LIPI: variants seen among roughly 807,000 people sequenced by gnomAD.
LIPI encodes the protein lipase I, also known as lipase member I.
Under a neutral mutation model 50.6 loss-of-function variants are expected in LIPI, and 59 were observed. That is an observed-to-expected ratio of 1.16 (90% CI 0.94 to 1.45). The LOEUF (loss-of-function observed/expected upper bound fraction) is 1.45, where lower values mean the gene tolerates loss of function less well. LIPI is among the 40% of genes most tolerant of loss of function. The pLI, the probability that LIPI is intolerant of heterozygous loss-of-function variation, is 0.00. For missense variants in LIPI, 586 were observed against 536.3 expected, an observed-to-expected ratio of 1.09 and a Z score of -0.92; for synonymous variants, 203 against 178.2, an observed-to-expected ratio of 1.14 and a Z score of -1.11.
chr21:14,155,495 T>C (rs9976011), intron 7 of LIPI, among the ~76,000 whole-genome samples: 129,309 of 151,872 alleles, frequency 0.85, 55,568 homozygotes, highest in East Asian at 0.98. Flanking sequence ...TATAATAAAC[T>C]TCATGAAATT....
chr21:14,118,449 C>T (rs932328502), intron 9 of LIPI, among the ~76,000 whole-genome samples: 10 of 152,138 alleles, frequency 6.6e-5, no homozygotes, highest in South Asian at 2.1e-4. Flanking sequence ...AAAAGTCCAA[C>T]GTAAGTTCTT....
At chr21:14,109,390 C>T (rs922266919) in intron 9 of LIPI, among the ~76,000 whole-genome samples, 1 of 152,090 alleles carries the variant, frequency 6.6e-6, no homozygotes, top group Non-Finnish European at 1.5e-5. Flanking sequence ...TTGAACTCAA[C>T]TCAGTATCCA....
intron 4 of LIPI, among the ~76,000 whole-genome samples, chr21:14,172,410 T>C (rs1009292754): frequency 6.6e-6 from 1 of 152,184 alleles, no homozygotes; most frequent in Non-Finnish European, 1.5e-5. Flanking sequence ...TAAAGACACA[T>C]GCACACGTAT....
intron 9 of LIPI, among the ~76,000 whole-genome samples, chr21:14,124,292 G>T (rs1360715554): frequency 3.3e-5 from 5 of 152,160 alleles, no homozygotes; most frequent in Admixed American, 1.3e-4. Context: ...TACATTTATA[G>T]CGAGCACCAA....
chr21:14,188,275 A>G (rs1293654255), intron 2 of LIPI, among the ~76,000 whole-genome samples: 1 of 152,216 alleles, frequency 6.6e-6, no homozygotes, highest in East Asian at 1.9e-4. Flanking sequence ...CAAAGCTGAC[A>G]GAAGTATGCT....
intron 1 of LIPI, among the ~76,000 whole-genome samples, chr21:14,199,486 AG>A (rs2019976733): frequency 6.6e-6 from 1 of 152,046 alleles, no homozygotes; most frequent in African/African-American, 2.4e-5. Context: ...CAGAAAATCT[AG>A]AAGAAATTGA....
At chr21:14,205,452 T>C (rs2020198280) in intron 1 of LIPI, among the ~76,000 whole-genome samples, 1 of 151,968 alleles carries the variant, frequency 6.6e-6, no homozygotes, top group African/African-American at 2.4e-5. Flanking sequence ...TATATATTTC[T>C]GCATATATAG....
chr21:14,147,391 C>A (rs1223819326), intron 8 of LIPI, among the ~76,000 whole-genome samples: 1 of 152,092 alleles, frequency 6.6e-6, no homozygotes, highest in Non-Finnish European at 1.5e-5. Context: ...ATGCTACAAG[C>A]TTAATGAAGG....
chr21:14,126,774 C>T (rs1241619862), intron 9 of LIPI, among the ~76,000 whole-genome samples: 1 of 152,090 alleles, frequency 6.6e-6, no homozygotes, highest in Non-Finnish European at 1.5e-5. Context: ...ACCAATCTGC[C>T]ACAGATACTG....
intron 1 of LIPI, among the ~76,000 whole-genome samples, chr21:14,208,601 T>C (rs1447009400): frequency 4.1e-5 from 6 of 148,000 alleles, no homozygotes; most frequent in Non-Finnish European, 5.9e-5. Context: ...AATGTGAGTG[T>C]CCATAAATAA....
In LIPI at chr21:14,189,138, C is replaced by T. The variant is rs1340504804; in HGVS notation, c.328G>A (p.Val110Ile). ...LLNEEDMNVIVVDWSRGATTF... is the reference protein window; with the variant it reads ...LLNEEDMNVIIVDWSRGATTF... Reference sequence around the variant, plus strand: ...GTAGCACCCCGGCTCCAGTCTACTACAATTACATTCATATCTTCTTCATTC... The same window carrying T: ...GTAGCACCCCGGCTCCAGTCTACTATAATTACATTCATATCTTCTTCATTC... Residue 110 changes from valine (V) to isoleucine (I), a missense_variant, in exon 2 of 10, where the codon GTA becomes ATA. Physicochemically the swap from Val to Ile is conservative, Grantham distance 29. Transcript: ENST00000681601. 5 of 1,614,030 alleles carry T rather than the reference C, an allele frequency of 3.1e-6. No individual in the cohort carries two copies. The highest frequency in any genetic ancestry group is 4.2e-6 in the Non-Finnish European group (5 of 1,180,002).
chr21:14,158,608 T>A (rs928072025), intron 7 of LIPI, among the ~76,000 whole-genome samples: 2 of 148,270 alleles, frequency 1.3e-5, no homozygotes, highest in Non-Finnish European at 1.5e-5. Context: ...TATATTAAAA[T>A]ATATATATGT....
At chr21:14,143,471 T>C (rs1309593408) in intron 9 of LIPI, 1 of 152,158 alleles carries the variant, frequency 6.6e-6, no homozygotes, top group Non-Finnish European at 1.5e-5. Context: ...TAAATGTATA[T>C]TATTATCATT....
chr21:14,119,927 C>A (rs940760979), intron 9 of LIPI, among the ~76,000 whole-genome samples: 9 of 152,110 alleles, frequency 5.9e-5, no homozygotes, highest in Non-Finnish European at 1.3e-4. Context: ...ACAGTTGTCA[C>A]CCTGACGGAA....
At chr21:14,182,334 C>T (rs1310496041) in intron 3 of LIPI, among the ~76,000 whole-genome samples, 3 of 151,932 alleles carry the variant, frequency 2.0e-5, no homozygotes, top group African/African-American at 4.8e-5. Flanking sequence ...ATCCATTTCT[C>T]GTAAGACTTT....
At chr21:14,142,296 A>G (rs2017739794) in intron 9 of LIPI, among the ~76,000 whole-genome samples, 1 of 152,076 alleles carries the variant, frequency 6.6e-6, no homozygotes, top group South Asian at 2.1e-4. Flanking sequence ...CATGTATCCC[A>G]AAACTTAAAG....
intron 4 of LIPI, among the ~76,000 whole-genome samples, chr21:14,180,007 C>A (rs774989110): frequency 1.3e-5 from 2 of 152,028 alleles, no homozygotes; most frequent in Non-Finnish European, 2.9e-5. Context: ...CTTTTCCTAG[C>A]GAGGAATATT....
chr21:14,189,576 G>A (rs2019593013), intron 1 of LIPI, among the ~76,000 whole-genome samples, 157 bp from the exon 2 acceptor site: 1 of 152,120 alleles, frequency 6.6e-6, no homozygotes, highest in Non-Finnish European at 1.5e-5. Flanking sequence ...TGAAGGTAAT[G>A]TATTAATTAT....
chr21:14,133,451 A>C (rs1270053227), intron 9 of LIPI, among the ~76,000 whole-genome samples: 1 of 152,232 alleles, frequency 6.6e-6, no homozygotes, highest in Non-Finnish European at 1.5e-5. Flanking sequence ...ATTCTCAACA[A>C]ACTAGACATA....
Sources: gnomAD v4.1 joint callset for allele counts (sites outside exome capture counted in the v4.1 genomes callset) on GRCh38, gnomAD v4.1.1 for gene constraint, MANE v1.5 for transcripts, NCBI Gene and HGNC (gene_info 2026-07-23, HGNC 2026-07-21) for gene names.